MAD1L1: variants seen among roughly 807,000 people sequenced by gnomAD.
MAD1L1 encodes mitotic spindle assembly checkpoint protein MAD1.
In MAD1L1, 95 loss-of-function variants were observed where a neutral mutation model predicts 96.9. The observed-to-expected ratio is 0.98, with a 90% CI of 0.83 to 1.16. The LOEUF is 1.16. MAD1L1 is among the 50% of genes most tolerant of loss of function. The probability of loss-of-function intolerance (pLI) is 0.00; values close to 1 mark genes in which losing one functional copy is unlikely to be tolerated. For synonymous variants in MAD1L1, 473 were observed against 396.6 expected (o/e 1.19, Z -2.29); for missense variants, 1,007 against 954.4 (o/e 1.06, Z -0.73).
chr7:2,002,585 T>G (rs1473809611), intron 13 of MAD1L1, among the ~76,000 whole-genome samples: 1 of 151,706 alleles, frequency 6.6e-6, no homozygotes, highest in Admixed American at 6.6e-5. Flanking sequence ...CCTCAGAGCA[T>G]CTCCTCCACC....
At chr7:1,897,380 C>T (rs907371931) in intron 18 of MAD1L1, among the ~76,000 whole-genome samples, 10 of 152,200 alleles carry the variant, frequency 6.6e-5, no homozygotes, top group Non-Finnish European at 2.9e-5. Flanking sequence ...CCACAGCCAC[C>T]GCCCCCTCCA....
rs117011217 is a variant in MAD1L1, at chr7:1,896,357, C to T, written c.1998+1843G>A. Among the ~76,000 whole-genome samples the T allele has an allele frequency of 9.2e-5, 14 of 152,172 alleles. 1 individual carries two copies. The highest frequency in any genetic ancestry group is 4.4e-5 in the Non-Finnish European group (3 of 68,026). On this transcript the variant is annotated intron_variant, in intron 18 of 18. Transcript: ENST00000265854. Reference sequence around the variant, plus strand: ...GGCCGGGGGAGCTGAGATGCTGGCTCGAGCAGGAAGAGCGGCAGGGCCCAT... The same window carrying T: ...GGCCGGGGGAGCTGAGATGCTGGCTTGAGCAGGAAGAGCGGCAGGGCCCAT...
At chr7:2,116,698 G>A (rs762931192) in intron 11 of MAD1L1, among the ~76,000 whole-genome samples, 3 of 152,118 alleles carry the variant, frequency 2.0e-5, no homozygotes, top group Non-Finnish European at 4.4e-5. Context: ...AAAAACCAGA[G>A]AAGAAGCCTG....
chr7:2,229,940 G>A (rs377179967), intron 3 of MAD1L1, 44 bp downstream of exon 3: 144 of 1,597,604 alleles, frequency 9.0e-5, no homozygotes, highest in Non-Finnish European at 1.2e-4. Context: ...CCCGGGCCCA[G>A]GGTCTCCCCA....
chr7:2,043,519 G>A lies in MAD1L1; in HGVS notation c.1218+25675C>T, dbSNP rs543946942. 2.6e-5 allele frequency among the ~76,000 whole-genome samples: 4 copies of A among 152,390 alleles called. No individual in the cohort carries two copies. The East Asian group carries it at 7.7e-4, about 29-fold the overall frequency. On this transcript the variant is annotated intron_variant, in intron 12 of 18. Transcript: ENST00000265854. ...GACCTGGCACATCCTGTGGGCTGGA[G>A]GTGGCCGGAATGGGCGGGCTTGGGA...
Position 2,146,856 on chromosome 7 carries a change from G to C in MAD1L1, c.1073+2296C>G, listed in dbSNP as rs1032850658. Among the ~76,000 whole-genome samples the C allele has an allele frequency of 2.6e-5, 4 of 152,224 alleles. No homozygotes were observed. The highest frequency in any genetic ancestry group is 5.9e-5 in the Non-Finnish European group (4 of 68,036). On this transcript the variant is annotated intron_variant, in intron 11 of 18. Coordinates refer to ENST00000265854, the MANE Select transcript of MAD1L1 (RefSeq NM_001013836.2). This position sits in a 1 kb window ranked among gnomAD's most constrained non-coding sequence, Gnocchi z 6.2. ...GAGGCTCCCTGACCCCGCCACGGCA[G>C]GCCGCGACGAACACGGTGTCCCGCC...
intron 13 of MAD1L1, among the ~76,000 whole-genome samples, chr7:2,010,756 G>A (rs1454643220): frequency 6.6e-6 from 1 of 152,218 alleles, no homozygotes; most frequent in Non-Finnish European, 1.5e-5. Context: ...CCTCCCGCTG[G>A]CGACTACCCC....
At chr7:2,209,219 C>G (rs550459376) in intron 10 of MAD1L1, among the ~76,000 whole-genome samples, 1 of 152,188 alleles carries the variant, frequency 6.6e-6, no homozygotes, top group Non-Finnish European at 1.5e-5. Context: ...GCCAGCCTGC[C>G]CAGCCTCCTC....
At chr7:2,071,648 G>GA (rs1439314472) in intron 11 of MAD1L1, among the ~76,000 whole-genome samples, 1 of 152,164 alleles carries the variant, frequency 6.6e-6, no homozygotes, top group East Asian at 1.9e-4. Flanking sequence ...GAGAGGGGCT[G>GA]AAGGCTGAGT....
chr7:2,049,557 A>G (rs1461114389), intron 12 of MAD1L1, among the ~76,000 whole-genome samples: 1 of 152,210 alleles, frequency 6.6e-6, no homozygotes, highest in African/African-American at 2.4e-5. Context: ...GGACTCACCT[A>G]GTCCGCCCAG....
Position 2,114,259 on chromosome 7 carries a change from T to C in MAD1L1, c.1073+34893A>G, listed in dbSNP as rs1370444501. 1.3e-5 allele frequency among the ~76,000 whole-genome samples: 2 copies of C among 152,160 alleles called. No individual in the cohort carries two copies. The highest frequency in any genetic ancestry group is 4.8e-5 in the African/African-American group (2 of 41,434). On this transcript the variant is annotated intron_variant, in intron 11 of 18. Coordinates refer to ENST00000265854, the MANE Select transcript of MAD1L1 (RefSeq NM_001013836.2). The surrounding 1 kb of genome is among the most constrained non-coding windows in gnomAD (Gnocchi z 4.2). ...GACAAAAGGGCAAATGGCCGGATGG[T>C]AATGACTCATCCCAAAGGCCATCTC...
chr7:1,919,818 G>C (rs1210426086), intron 17 of MAD1L1, among the ~76,000 whole-genome samples: 1 of 152,198 alleles, frequency 6.6e-6, no homozygotes, highest in Admixed American at 6.5e-5. Flanking sequence ...TCCTCCATCA[G>C]CTCAGGAGCA....
At chr7:2,071,004 C>T (rs963709415) in intron 11 of MAD1L1, among the ~76,000 whole-genome samples, 6 of 152,028 alleles carry the variant, frequency 3.9e-5, no homozygotes, top group East Asian at 1.9e-4. Context: ...AAAGCTTCAT[C>T]CCAGGGCTGG....
At chr7:1,955,280 C>T (rs939457422) in intron 16 of MAD1L1, among the ~76,000 whole-genome samples, 2 of 152,210 alleles carry the variant, frequency 1.3e-5, no homozygotes, top group African/African-American at 4.8e-5. Context: ...GAGAGGGCAT[C>T]GCATAGTGGG....
rs551188071 is a variant in MAD1L1 at position 2,114,574 on chromosome 7, G to A, written c.1073+34578C>T. On this transcript the variant is annotated intron_variant, in intron 11 of 18. Transcript: ENST00000265854. This position sits in a 1 kb window ranked among gnomAD's most constrained non-coding sequence, Gnocchi z 4.2. ...GTGGCAGAAGGATCTTCATGAAGAT[G>A]AGCATGGCTACGACTTGAACGGTGG... Among the ~76,000 whole-genome samples, 1 of 152,270 alleles carries A rather than the reference G, an allele frequency of 6.6e-6. No individual in the cohort carries two copies. The highest frequency in any genetic ancestry group is 2.1e-4 in the South Asian group (1 of 4,832).
intron 11 of MAD1L1, among the ~76,000 whole-genome samples, chr7:2,075,987 C>T (rs555671193): frequency 2.6e-5 from 4 of 152,226 alleles, no homozygotes; most frequent in Admixed American, 6.5e-5. Flanking sequence ...GCGTGGCCAC[C>T]GCGGGAGACA....
At chr7:1,949,656 C>T (rs1229559046) in intron 16 of MAD1L1, among the ~76,000 whole-genome samples, 7 of 152,254 alleles carry the variant, frequency 4.6e-5, no homozygotes, top group Admixed American at 6.5e-5. Context: ...GGGCCCTGTG[C>T]TTCCCTTCTC....
intron 17 of MAD1L1, among the ~76,000 whole-genome samples, chr7:1,901,535 G>A (rs1331327717): frequency 6.6e-6 from 1 of 152,244 alleles, no homozygotes; most frequent in Non-Finnish European, 1.5e-5. Context: ...CAACAGCAGT[G>A]CATGGGCTGA....
intron 10 of MAD1L1, among the ~76,000 whole-genome samples, chr7:2,212,809 G>C (rs1267892400): frequency 6.6e-6 from 1 of 152,040 alleles, no homozygotes; most frequent in African/African-American, 2.4e-5. Flanking sequence ...TAATACAGTG[G>C]GTTTTTCTTA....
Sources: gnomAD v4.1 joint callset for allele counts (sites outside exome capture counted in the v4.1 genomes callset) on GRCh38, gnomAD v4.1.1 for gene constraint, Gnocchi (gnomAD v3.1) non-coding constraint, MANE v1.5 for transcripts, NCBI Gene and HGNC (gene_info 2026-07-23, HGNC 2026-07-21) for gene names.